Variants in SLC1A2 observed in about 807,000 individuals in gnomAD.
SLC1A2 encodes solute carrier family 1 member 2.
Under a neutral mutation model 48.8 loss-of-function variants are expected in SLC1A2, and 15 were observed. The ratio of observed to expected loss-of-function variants is 0.31; its 90% confidence interval spans 0.21 to 0.47. The LOEUF (loss-of-function observed/expected upper bound fraction) is 0.47. Ranked by LOEUF, SLC1A2 falls within the 20% of genes least tolerant of loss-of-function variation. SLC1A2 has a pLI of 0.99. For synonymous variants in SLC1A2, 279 were observed against 272.6 expected (o/e 1.02, Z -0.23); for missense variants, 502 against 730.5 (o/e 0.69, Z 3.61).
chr11:35,403,916 G>C (rs4755402), intron 1 of SLC1A2, among the ~76,000 whole-genome samples: 4,140 of 36,728 alleles, frequency 0.11, 74 homozygotes, highest in Middle Eastern at 0.24. Flanking sequence ...TGCTGGCTTG[G>C]CTCAGCAGCT....
chr11:35,385,137 A>T (rs1204928267), intron 1 of SLC1A2, among the ~76,000 whole-genome samples: 1 of 152,236 alleles, frequency 6.6e-6, no homozygotes, highest in Non-Finnish European at 1.5e-5. Flanking sequence ...GAAATATTCA[A>T]AAATAAAAGC....
At chr11:35,322,646 C>T (rs1480911849) in intron 1 of SLC1A2, 1 of 1,534,996 alleles carries the variant, frequency 6.5e-7, no homozygotes, top group Admixed American at 2.0e-5. Flanking sequence ...TAAAGATGTC[C>T]AGAGATTGCC....
chr11:35,387,099 C>T (rs1854607048), intron 1 of SLC1A2, among the ~76,000 whole-genome samples: 1 of 152,166 alleles, frequency 6.6e-6, no homozygotes, highest in African/African-American at 2.4e-5. Flanking sequence ...ACTTTCCCAT[C>T]TTCTGGCACC....
In SLC1A2 at chr11:35,315,112, A is replaced by T. The variant is rs1460321025; in HGVS notation, c.221T>A (p.Val74Glu). The T allele has an allele frequency of 1.9e-6, 3 of 1,612,268 alleles. No homozygotes were observed. Among genetic ancestry groups the T allele is most frequent in the Non-Finnish European group, 2.5e-6 (3 of 1,178,416 alleles). Residue 74 changes from valine to glutamate, a missense_variant, in exon 3 of 11, where the codon GTG becomes GAG. By Grantham distance (121) the Val-to-Glu change is moderately radical (BLOSUM62 -2). Transcript: ENST00000278379. ...LRLASPIHPD[V>E]VMLIAFPGDI... ...CCCTGGGAAGGCTATTAACATAACC[A>T]CATCAGGGTGGATGGGAGATGCCAA...
At chr11:35,393,000 G>C (rs1923305) in intron 1 of SLC1A2, among the ~76,000 whole-genome samples, 48,200 of 151,978 alleles carry the variant, frequency 0.32, 10,287 homozygotes, top group African/African-American at 0.61. Context: ...CGTTACAACC[G>C]TCCAAGATAG....
At chr11:35,410,619 A>G (rs1855429004) in intron 1 of SLC1A2, among the ~76,000 whole-genome samples, 1 of 152,108 alleles carries the variant, frequency 6.6e-6, no homozygotes. Flanking sequence ...GGGCATGTTG[A>G]TAAGTGACAG....
chr11:35,363,027 G>C (rs971176953), intron 1 of SLC1A2, among the ~76,000 whole-genome samples: 2 of 152,228 alleles, frequency 1.3e-5, no homozygotes, highest in Non-Finnish European at 2.9e-5. Flanking sequence ...AAGGCACAGA[G>C]AGACTGAGCA....
At chr11:35,335,580 T>C (rs991843776) in intron 1 of SLC1A2, among the ~76,000 whole-genome samples, 1 of 152,220 alleles carries the variant, frequency 6.6e-6, no homozygotes, top group South Asian at 2.1e-4. Flanking sequence ...GATTTTCCTT[T>C]GAATAATGTG....
At chr11:35,339,905 T>A (rs1043654545) in intron 1 of SLC1A2, among the ~76,000 whole-genome samples, 1 of 152,218 alleles carries the variant, frequency 6.6e-6, no homozygotes, top group Non-Finnish European at 1.5e-5. Flanking sequence ...TGTTTTCCTA[T>A]GTGCATTTAT....
intron 1 of SLC1A2, among the ~76,000 whole-genome samples, chr11:35,385,083 C>A (rs985438113): frequency 3.3e-5 from 5 of 152,208 alleles, no homozygotes; most frequent in African/African-American, 7.2e-5. Context: ...CTGGAGAATA[C>A]AATTTCTAGA....
chr11:35,352,047 T>C (rs982350855), intron 1 of SLC1A2, among the ~76,000 whole-genome samples: 1 of 152,230 alleles, frequency 6.6e-6, no homozygotes, highest in African/African-American at 2.4e-5. Context: ...ACTTCCTTAT[T>C]GCTTCTTTCC....
chr11:35,313,833 C>A (rs1851784607), intron 3 of SLC1A2, among the ~76,000 whole-genome samples: 1 of 152,150 alleles, frequency 6.6e-6, no homozygotes, highest in Admixed American at 6.5e-5. Context: ...ATTTCAGGTA[C>A]TGGGGTCACT....
chr11:35,312,707 C>T lies in SLC1A2; in HGVS notation c.311-259G>A, dbSNP rs371934632. Among the ~76,000 whole-genome samples the T allele has an allele frequency of 3.9e-5, 6 of 152,348 alleles. No homozygotes were observed. In the East Asian group the frequency reaches 1.2e-3, roughly 29 times the overall value. On this transcript the variant is annotated intron_variant, in intron 3 of 10. Coordinates refer to ENST00000278379, the MANE Select transcript of SLC1A2 (RefSeq NM_004171.4). ...TAACCTATGCACATCCTCCTGTCTA[C>T]TTTAAACCACCTCTAAATTATTTAC...
At chr11:35,268,765 T>C (rs7947035) in intron 9 of SLC1A2, among the ~76,000 whole-genome samples, 6,360 of 152,234 alleles carry the variant, frequency 0.042, 440 homozygotes, top group African/African-American at 0.14. Context: ...ATTATTCGTA[T>C]TTACTAGATG....
Position 35,419,208 on chromosome 11 carries a change from G to A in SLC1A2, c.-242C>T. On this transcript the variant is annotated 5_prime_UTR_variant, in exon 1 of 11. Transcript: ENST00000278379. This position sits in a 1 kb window ranked among gnomAD's most constrained non-coding sequence, Gnocchi z 5.4. ...GCGACCCGCGCTCCCCTCCGCCCGC[G>A]GGGATGGCGCTTGGCGGGGAGCTCC... 1 of 443,916 alleles carries A rather than the reference G, an allele frequency of 2.3e-6. No individual in the cohort carries two copies. Among genetic ancestry groups the A allele is most frequent in the Middle Eastern group, 5.8e-4 (1 of 1,720 alleles). The allele number at this position is 443,916 out of a possible 1,614,324, so 27.5% of individuals were successfully genotyped here. A position where few individuals can be genotyped will look rare whatever the true frequency, so the allele number is the denominator to read the frequency against.
intron 1 of SLC1A2, among the ~76,000 whole-genome samples, chr11:35,350,885 C>T (rs7106813): frequency 0.8 from 121,529 of 152,044 alleles, 49,141 homozygotes; most frequent in East Asian, 0.92. Flanking sequence ...TTTCATTCTT[C>T]TGACTCCCCT....
At chr11:35,308,843 C>A (rs1031622349) in intron 4 of SLC1A2, among the ~76,000 whole-genome samples, 2 of 152,146 alleles carry the variant, frequency 1.3e-5, no homozygotes, top group African/African-American at 4.8e-5. Flanking sequence ...CATAAACTGA[C>A]CTACTCAACT....
At chr11:35,289,029 A>G (rs748415446) in intron 7 of SLC1A2, among the ~76,000 whole-genome samples, 15 of 152,208 alleles carry the variant, frequency 9.9e-5, no homozygotes, top group Admixed American at 3.9e-4. Context: ...TCCTGCCTCA[A>G]TGGCCATATG....
intron 1 of SLC1A2, among the ~76,000 whole-genome samples, chr11:35,340,501 C>G (rs1284467037): frequency 6.6e-6 from 1 of 152,236 alleles, no homozygotes; most frequent in Admixed American, 6.5e-5. Context: ...CACACATATT[C>G]TGTAGGAAGA....
Sources: gnomAD v4.1 joint callset for allele counts (sites outside exome capture counted in the v4.1 genomes callset) on GRCh38, gnomAD v4.1.1 for gene constraint, Gnocchi (gnomAD v3.1) non-coding constraint, MANE v1.5 for transcripts, NCBI Gene and HGNC (gene_info 2026-07-23, HGNC 2026-07-21) for gene names.